The following PCBP3 variants were observed in gnomAD, a reference collection of about 807,000 sequenced individuals.
The protein encoded by PCBP3 is poly(rC) binding protein 3, also known as poly(rC)-binding protein 3.
In PCBP3, 25 loss-of-function variants were observed where a neutral mutation model predicts 52.7. The ratio of observed to expected loss-of-function variants is 0.47; its 90% confidence interval spans 0.35 to 0.66. The LOEUF is 0.66. PCBP3 is among the 30% of genes least tolerant of loss of function. PCBP3 has a pLI of 0.01. For missense variants in PCBP3, 391 were observed against 490.3 expected (o/e 0.80, Z 1.91); for synonymous variants, 162 against 183.0 (o/e 0.89, Z 0.93).
At chr21:45,739,351 C>T (rs1394427078) in intron 3 of PCBP3, among the ~76,000 whole-genome samples, 2 of 137,626 alleles carry the variant, frequency 1.5e-5, no homozygotes, top group Non-Finnish European at 3.2e-5. Context: ...AACAGCCCAC[C>T]CCTTCCTGTC....
At chr21:45,875,546 A>C (rs774948384) in intron 5 of PCBP3, among the ~76,000 whole-genome samples, 1 of 152,246 alleles carries the variant, frequency 6.6e-6, no homozygotes, top group Non-Finnish European at 1.5e-5. Context: ...CCACTCTGGC[A>C]GGCTGCAGTG....
At chr21:45,684,208 A>T (rs1266011556) in intron 2 of PCBP3, among the ~76,000 whole-genome samples, 1 of 152,198 alleles carries the variant, frequency 6.6e-6, no homozygotes. Context: ...AGCCTGGGTG[A>T]CAGTGAGACC....
chr21:45,668,591 A>T (rs963620706), intron 1 of PCBP3, among the ~76,000 whole-genome samples: 1 of 152,030 alleles, frequency 6.6e-6, no homozygotes, highest in African/African-American at 2.4e-5. Context: ...GGGGATGGGA[A>T]TAGGGCAGGT....
rs555520958 is a variant in PCBP3, at chr21:45,832,249, A to G, written c.-125-17712A>G. On this transcript the variant is annotated intron_variant, in intron 4 of 17. Transcript: ENST00000681687. ...TGTAAACTGTTATGGTGCTGGTGAG[A>G]GTGTAGCAGTGAGGACGACCAGAGG... Among the ~76,000 whole-genome samples, 6 of 152,210 alleles carry G rather than the reference A, an allele frequency of 3.9e-5. No homozygotes were observed. In the South Asian group the frequency reaches 1.0e-3, roughly 26 times the overall value.
intron 4 of PCBP3, among the ~76,000 whole-genome samples, chr21:45,824,089 AGTTG>A (rs2093236314): frequency 6.6e-6 from 1 of 152,152 alleles, no homozygotes; most frequent in South Asian, 2.1e-4. Flanking sequence ...ATGTGTCTTT[AGTTG>A]ATTTCCAGCA....
chr21:45,759,727 G>T (rs546611336), intron 4 of PCBP3: 2 of 152,312 alleles, frequency 1.3e-5, no homozygotes, highest in East Asian at 3.9e-4. Flanking sequence ...GTAACATTTG[G>T]AATAATGGTT....
intron 4 of PCBP3, among the ~76,000 whole-genome samples, chr21:45,768,761 G>A (rs1452214945): frequency 6.6e-6 from 1 of 152,222 alleles, no homozygotes; most frequent in Non-Finnish European, 1.5e-5. Flanking sequence ...GTGGCAGCAG[G>A]CTTTCCCAGG....
intron 11 of PCBP3, among the ~76,000 whole-genome samples, chr21:45,912,306 T>C (rs939714909): frequency 2.0e-5 from 3 of 152,208 alleles, no homozygotes; most frequent in Non-Finnish European, 4.4e-5. Context: ...TCCCGCTGGC[T>C]GTGCTGCATC....
At position 45,900,631 on chromosome 21, in the gene PCBP3, TG is replaced by T; in HGVS notation, c.222+10del. On this transcript the variant is annotated intron_variant, in intron 8 of 17. Coordinates refer to ENST00000681687, the MANE Select transcript of PCBP3 (RefSeq NM_001384156.1). Reference sequence around the variant, plus strand: ...AAGAAGATGCGTGAGGAGGTGAGTGTGGTGGGTCCCCACCTGTCCGCAGCCA... The same window carrying T: ...AAGAAGATGCGTGAGGAGGTGAGTGTGTGGGTCCCCACCTGTCCGCAGCCA... 1 of 1,148,374 alleles carries T rather than the reference TG, an allele frequency of 8.7e-7. No homozygotes were observed. Among genetic ancestry groups the T allele is most frequent in the Non-Finnish European group, 1.2e-6 (1 of 822,616 alleles). The allele number at this position is 1,148,374 out of a possible 1,614,324, so 71.1% of individuals were successfully genotyped here.
chr21:45,817,819 A>T lies in PCBP3; in HGVS notation c.-125-32142A>T, dbSNP rs1303262186. On this transcript the variant is annotated intron_variant, in intron 4 of 17. Coordinates refer to ENST00000681687, the MANE Select transcript of PCBP3 (RefSeq NM_001384156.1). This position sits in a 1 kb window ranked among gnomAD's most constrained non-coding sequence, Gnocchi z 4.3. ...CCAAAACCTTGTGGTTTCCATTTTC[A>T]GTTGATGATATCCTTATGAACTCAG... 6.6e-6 allele frequency among the ~76,000 whole-genome samples: 1 copy of T among 152,224 alleles called. No homozygotes were observed. The highest frequency in any genetic ancestry group is 1.5e-5 in the Non-Finnish European group (1 of 68,034).
chr21:45,809,379 G>C (rs1301971838), intron 4 of PCBP3, among the ~76,000 whole-genome samples: 1 of 152,204 alleles, frequency 6.6e-6, no homozygotes, highest in East Asian at 1.9e-4. Flanking sequence ...CATTTAAAGA[G>C]AGCATGTTGA....
chr21:45,836,639 G>A (rs1211293601), intron 4 of PCBP3, among the ~76,000 whole-genome samples: 2 of 151,968 alleles, frequency 1.3e-5, no homozygotes, highest in Admixed American at 6.6e-5. Flanking sequence ...ATGAACAGCC[G>A]TGACCCCAGG....
Position 45,941,683 on chromosome 21 carries a change from G to A in PCBP3, c.1093G>A (p.Val365Ile). Residue 365 changes from valine (V) to isoleucine (I), a missense_variant, in exon 18 of 18, where the codon GTC (valine) becomes ATC (isoleucine). Val to Ile is a conservative substitution (Grantham distance 29). Transcript: ENST00000681687. ...YLINARLTSE[V>I]TGMGTL ...TGTCTGTTCCAGGCTGACGTCCGAG[G>A]TCACCGGGATGGGCACGCTGTAATC... 1 of 1,606,626 alleles carries A rather than the reference G, an allele frequency of 6.2e-7. No individual in the cohort carries two copies. Among genetic ancestry groups the A allele is most frequent in the South Asian group, 1.1e-5 (1 of 89,584 alleles).
chr21:45,824,960 CG>C (rs1673068106), intron 4 of PCBP3, among the ~76,000 whole-genome samples: 1 of 152,218 alleles, frequency 6.6e-6, no homozygotes, highest in African/African-American at 2.4e-5. Context: ...AGTACAACTT[CG>C]TTTGAAAGAA....
Position 45,837,083 on chromosome 21 carries a change from A to T in PCBP3, c.-125-12878A>T, listed in dbSNP as rs992738574. On this transcript the variant is annotated intron_variant, in intron 4 of 17. Coordinates refer to ENST00000681687, the MANE Select transcript of PCBP3 (RefSeq NM_001384156.1). The surrounding 1 kb of genome is among the most constrained non-coding windows in gnomAD (Gnocchi z 4.1). ...TGCATCATAAAGTCTGTGAAAGGTG[A>T]ACTTTCAGGAACTTTCAGGACCATG... Among the ~76,000 whole-genome samples, 1 of 152,206 alleles carries T rather than the reference A, an allele frequency of 6.6e-6. No homozygotes were observed. Among genetic ancestry groups the T allele is most frequent in the African/African-American group, 2.4e-5 (1 of 41,450 alleles).
intron 2 of PCBP3, among the ~76,000 whole-genome samples, chr21:45,678,315 AAAAAAT>A (rs2081597299): frequency 6.6e-6 from 1 of 151,470 alleles, no homozygotes; most frequent in African/African-American, 2.4e-5. Context: ...CAAAAAAAAA[AAAAAAT>A]AATAATAATA....
chr21:45,720,189 A>C (rs2084525276), intron 2 of PCBP3, among the ~76,000 whole-genome samples: 1 of 152,116 alleles, frequency 6.6e-6, no homozygotes. Context: ...CATCTACATC[A>C]GGTATTTCTC....
At chr21:45,859,264 C>T (rs376518924) in intron 5 of PCBP3, among the ~76,000 whole-genome samples, 7 of 104,682 alleles carry the variant, frequency 6.7e-5, no homozygotes, top group African/African-American at 2.3e-4. Flanking sequence ...CAGGAGGGGC[C>T]GTGCTGCAGA....
rs2096142548 is a variant in PCBP3 at position 45,904,235 on chromosome 21, A to C, written c.339+3122A>C. On this transcript the variant is annotated intron_variant, in intron 9 of 17. Transcript: ENST00000681687. This position sits in a 1 kb window ranked among gnomAD's most constrained non-coding sequence, Gnocchi z 4.8. ...GAATTCCTAAAGGTACAAGCCTTCC[A>C]GTCATCAGTCCATGGAGGAAGAGCT... 6.6e-6 allele frequency among the ~76,000 whole-genome samples: 1 copy of C among 152,230 alleles called. No homozygotes were observed. The highest frequency in any genetic ancestry group is 2.4e-5 in the African/African-American group (1 of 41,472).
Sources: allele counts gnomAD v4.1 joint callset (sites outside exome capture counted in the v4.1 genomes callset), GRCh38; gene constraint gnomAD v4.1.1; non-coding constraint Gnocchi (gnomAD v3.1); transcripts MANE v1.5; gene names NCBI Gene and HGNC (gene_info 2026-07-23, HGNC 2026-07-21).